The following DCAF8L2 variants were observed in gnomAD, a reference collection of about 807,000 sequenced individuals.
DCAF8L2 encodes the protein DDB1- and CUL4-associated factor 8-like protein 2.
For synonymous variants in DCAF8L2, 200 were observed against 190.9 expected, an observed-to-expected ratio of 1.05 and a Z score of -0.39; for missense variants, 430 against 490.7, an observed-to-expected ratio of 0.88 and a Z score of 1.17.
chrX:27,517,197 T>C, the DCAF8L2 span, among the ~76,000 whole-genome samples: 1 of 112,175 alleles, frequency 8.9e-6, no homozygotes, highest in Admixed American at 9.5e-5. Flanking sequence ...CTAATCTTTT[T>C]CATTATTCAT....
chrX:27,521,079 T>C, the DCAF8L2 span, among the ~76,000 whole-genome samples: 1 of 112,265 alleles, frequency 8.9e-6, no homozygotes, highest in Non-Finnish European at 1.9e-5. Context: ...AATTGTAAAC[T>C]TTATTAAACT....
rs757109041 is a variant in DCAF8L2, at chrX:27,631,522, C to T, written c.-341-357C>T. On this transcript the variant is annotated intron_variant, in intron 1 of 4. Transcript: ENST00000451261. The stretch of plus-strand genomic sequence containing the variant: ...AAGTGAAATATGGCTATTTTGACTG[C>T]GGAACTAAATTTTTATTTTTATTTG... Among the ~76,000 whole-genome samples, 17 of 112,344 alleles carry T rather than the reference C, an allele frequency of 1.5e-4. No individual in the cohort carries two copies. The East Asian group carries it at 2.3e-3, about 15-fold the overall frequency.
At chrX:27,712,018 AATAG>A (rs1454974129) in intron 3 of DCAF8L2, among the ~76,000 whole-genome samples, 1 of 111,399 alleles carries the variant, frequency 9.0e-6, no homozygotes, top group Non-Finnish European at 1.9e-5. Flanking sequence ...TTATCCTTTT[AATAG>A]ATATAGGATC....
At chrX:27,535,133 C>T in the DCAF8L2 span, among the ~76,000 whole-genome samples, 1 of 111,717 alleles carries the variant, frequency 9.0e-6, no homozygotes, top group Admixed American at 9.6e-5. Flanking sequence ...GGGACTAGAG[C>T]GGTGAACAAG....
chrX:27,507,115 C>T, the DCAF8L2 span, among the ~76,000 whole-genome samples: 1 of 111,714 alleles, frequency 9.0e-6, no homozygotes, highest in African/African-American at 3.3e-5. Flanking sequence ...TGTCTACTAT[C>T]CTATTTTACC....
chrX:27,558,832 C>T, the DCAF8L2 span, among the ~76,000 whole-genome samples: 1 of 102,538 alleles, frequency 9.8e-6, no homozygotes, highest in East Asian at 3.3e-4. Flanking sequence ...GCTGCTGCTT[C>T]AGCTGTGCTT....
chrX:27,536,461 G>A, the DCAF8L2 span, among the ~76,000 whole-genome samples: 1 of 112,001 alleles, frequency 8.9e-6, no homozygotes. Context: ...CTCTAAGGAG[G>A]ATATGGTATA....
At chrX:27,680,748 T>TAG (rs1930296288) in intron 3 of DCAF8L2, among the ~76,000 whole-genome samples, 1 of 107,743 alleles carries the variant, frequency 9.3e-6, no homozygotes, top group African/African-American at 3.6e-5. Context: ...CTTTCAATTG[T>TAG]TAAGTGAAAA....
At chrX:27,655,558 C>A (rs1007712719) in intron 2 of DCAF8L2, among the ~76,000 whole-genome samples, 1 of 112,015 alleles carries the variant, frequency 8.9e-6, no homozygotes, top group Non-Finnish European at 1.9e-5. Context: ...ACTGCAATTT[C>A]CTCTGGAATA....
At chrX:27,594,875 CAATATTATTAT>C (rs1238359120) in intron 1 of DCAF8L2, among the ~76,000 whole-genome samples, 1 of 111,533 alleles carries the variant, frequency 9.0e-6, no homozygotes, top group East Asian at 2.8e-4. Context: ...ATGTACCATG[CAATATTATTAT>C]AATTTACTTT....
chrX:27,699,622 A>G (rs1034603238), intron 3 of DCAF8L2, among the ~76,000 whole-genome samples: 1 of 111,744 alleles, frequency 8.9e-6, no homozygotes, highest in Non-Finnish European at 1.9e-5. Flanking sequence ...GCGAAGTGGT[A>G]GCATCAAAGT....
the DCAF8L2 span, among the ~76,000 whole-genome samples, chrX:27,546,434 C>T: frequency 1.8e-5 from 2 of 111,729 alleles, no homozygotes; most frequent in African/African-American, 6.5e-5. Context: ...GTCTGGAGAA[C>T]GGTGTCCCTC....
At chrX:27,688,736 C>T (rs1930601422) in intron 3 of DCAF8L2, among the ~76,000 whole-genome samples, 1 of 111,474 alleles carries the variant, frequency 9.0e-6, no homozygotes, top group Admixed American at 9.6e-5. Flanking sequence ...AGTATATTTT[C>T]CCCATAAGAG....
At chrX:27,715,747 A>G (rs1322538999) in intron 3 of DCAF8L2, among the ~76,000 whole-genome samples, 1 of 111,869 alleles carries the variant, frequency 8.9e-6, no homozygotes, top group African/African-American at 3.2e-5. Flanking sequence ...GCGTCAAGCT[A>G]TGTCATAATA....
At chrX:27,490,762 G>C in the DCAF8L2 span, among the ~76,000 whole-genome samples, 3 of 111,167 alleles carry the variant, frequency 2.7e-5, no homozygotes, top group African/African-American at 9.8e-5. Context: ...ACCCAGCCAG[G>C]CTTTTAGTTT....
chrX:27,708,387 C>G (rs913065685), intron 3 of DCAF8L2, among the ~76,000 whole-genome samples: 2 of 111,676 alleles, frequency 1.8e-5, no homozygotes, highest in Non-Finnish European at 3.8e-5. Context: ...TGTCTTTATC[C>G]AGTCCACCAT....
At chrX:27,634,989 T>G (rs770613173) in intron 2 of DCAF8L2, among the ~76,000 whole-genome samples, 37 of 95,028 alleles carry the variant, frequency 3.9e-4, no homozygotes, top group South Asian at 3.1e-3. Flanking sequence ...CACACATATA[T>G]AGAGAGAGAG....
chrX:27,485,671 C>G, the DCAF8L2 span, among the ~76,000 whole-genome samples: 37 of 111,040 alleles, frequency 3.3e-4, no homozygotes, highest in Non-Finnish European at 5.8e-4. Flanking sequence ...TCTTTCTACA[C>G]GAATAATTTT....
the DCAF8L2 span, among the ~76,000 whole-genome samples, chrX:27,485,423 A>C: frequency 9.2e-6 from 1 of 109,257 alleles, no homozygotes; most frequent in Admixed American, 9.7e-5. Context: ...AAGTCCTTTC[A>C]TTTTTAGGTA....
Sources: gnomAD v4.1 joint callset for allele counts (sites outside exome capture counted in the v4.1 genomes callset) on GRCh38, gnomAD v4.1.1 for gene constraint, MANE v1.5 for transcripts, NCBI Gene and HGNC (gene_info 2026-07-23, HGNC 2026-07-21) for gene names.